Variants in ING5 observed in about 807,000 individuals in gnomAD.
ING5 encodes the protein inhibitor of growth protein 5.
A neutral mutation model predicts 37.4 loss-of-function variants in ING5; 17 were observed. The ratio of observed to expected loss-of-function variants is 0.45; its 90% CI spans 0.31 to 0.68. The LOEUF (loss-of-function observed/expected upper bound fraction) is 0.68. Ranked by LOEUF, ING5 falls within the 30% of genes least tolerant of loss-of-function variation. ING5 has a pLI of 0.05. For missense variants in ING5, 233 were observed against 311.9 expected (o/e 0.75, Z 1.91); for synonymous variants, 123 against 116.6 (o/e 1.06, Z -0.36).
In ING5 at chr2:241,725,795, T is replaced by A. The variant is rs1401983431; in HGVS notation, c.*764T>A. On this transcript the variant is annotated 3_prime_UTR_variant, in exon 8 of 8. Transcript: ENST00000313552. ...AATTGGTGATTTTTTACTGTGAAGA[T>A]GAAATTACCCTAATAGCATGAAGAT... The A allele has an allele frequency of 1.3e-5, 2 of 152,550 alleles. No individual in the cohort carries two copies. Among genetic ancestry groups the A allele is most frequent in the African/African-American group, 4.8e-5 (2 of 41,400 alleles). The allele number at this position is 152,550 out of a possible 1,614,324, so 9.4% of individuals were successfully genotyped here.
intron 5 of ING5, among the ~76,000 whole-genome samples, chr2:241,714,345 C>T: frequency 6.6e-6 from 1 of 152,054 alleles, no homozygotes; most frequent in Admixed American, 6.6e-5. Context: ...AAATGTTATT[C>T]TAAGTGTACA....
upstream of ING5, among the ~76,000 whole-genome samples, chr2:241,700,873 G>A (rs1288777182): frequency 6.6e-6 from 1 of 151,752 alleles, no homozygotes; most frequent in African/African-American, 2.4e-5. Context: ...TGATCCGCCC[G>A]CCTCGGCCTC....
rs376532315 is a variant in ING5 at position 241,712,157 on chromosome 2, C to T, written c.482+86C>T. On this transcript the variant is annotated intron_variant, in intron 5 of 7. Coordinates refer to ENST00000313552, the MANE Select transcript of ING5 (RefSeq NM_032329.6). ...GTAGGAACACTGATGGAAGCTGACC[C>T]GAGTGAAGTGCACCCCGTGTGCCGG... The T allele has an allele frequency of 2.1e-5, 23 of 1,078,908 alleles. 1 individual carries two copies. In the African/African-American group the frequency reaches 2.3e-4, roughly 11 times the overall value. The allele number at this position is 1,078,908 out of a possible 1,614,324, so 66.8% of individuals were successfully genotyped here.
At chr2:241,722,697 T>C in intron 5 of ING5, 2 of 985,434 alleles carry the variant, frequency 2.0e-6, no homozygotes, top group Non-Finnish European at 2.4e-6. Flanking sequence ...ATTCAGTTAG[T>C]GCATGACTGC....
chr2:241,724,910 CAT>C (rs1691547173), intron 7 of ING5, 77 bp from the exon 8 acceptor site: 1 of 1,472,312 alleles, frequency 6.8e-7, no homozygotes, highest in African/African-American at 1.4e-5. Context: ...CCCTGGGAGA[CAT>C]GGGGAGGCGG....
intron 2 of ING5, among the ~76,000 whole-genome samples, chr2:241,708,530 G>A (rs2069996634): frequency 6.6e-6 from 1 of 152,204 alleles, no homozygotes; most frequent in South Asian, 2.1e-4. Flanking sequence ...CCTCTAAACT[G>A]AAGGGTTAAG....
intron 7 of ING5, chr2:241,724,183 C>G: frequency 1.7e-6 from 1 of 584,612 alleles, no homozygotes; most frequent in Non-Finnish European, 2.3e-6. Flanking sequence ...TGGTAAGAGC[C>G]AGTTATCCTT....
chr2:241,721,989 G>A lies in ING5; in HGVS notation c.483-950G>A, dbSNP rs1047725046. 3 of 985,272 alleles carry A rather than the reference G, an allele frequency of 3.0e-6. No homozygotes were observed. The African/African-American group carries it at 5.2e-5, about 17-fold the overall frequency. The allele number at this position is 985,272 out of a possible 1,614,324, so 61.0% of individuals were successfully genotyped here. ...GAAGGAGTGACAAGGATGGTGTGTG[G>A]TCGGAAGGGGCCCTGTGCCAGGTGG... On this transcript the variant is annotated intron_variant, in intron 5 of 7. Transcript: ENST00000313552.
At chr2:241,687,396 A>T (rs1233146846) in exon 1 of ING5, 2 of 398,908 alleles carry the variant, frequency 5.0e-6, no homozygotes, top group Non-Finnish European at 8.8e-6. Flanking sequence ...GTTTGACAGC[A>T]GGGGCAGGAT....
At chr2:241,705,122 C>T (rs564162475) in intron 2 of ING5, among the ~76,000 whole-genome samples, 6 of 152,142 alleles carry the variant, frequency 3.9e-5, no homozygotes, top group South Asian at 2.1e-4. Flanking sequence ...TCGCCCAGTC[C>T]GGAGTGCAGT....
rs974381224 is a variant in ING5 at position 241,727,695 on chromosome 2, G to T, written c.*2664G>T. 6 of 152,238 alleles carry T rather than the reference G, an allele frequency of 3.9e-5. No individual in the cohort carries two copies. The highest frequency in any genetic ancestry group is 1.2e-4 in the African/African-American group (5 of 41,448). 9.4% of individuals were successfully genotyped at this position (152,238 alleles called of 1,614,324 possible). ...TTTACCATTTTTGGGAAGAGGGATA[G>T]GTAAGTGCAGGGAGTTTGTGCTGAA... On this transcript the variant is annotated 3_prime_UTR_variant, in exon 8 of 8. Transcript: ENST00000313552.
rs1691559598 is a variant in ING5 at position 241,725,078 on chromosome 2, C to T, written c.*47C>T. The T allele has an allele frequency of 1.3e-6, 2 of 1,587,660 alleles. No homozygotes were observed. The highest frequency in any genetic ancestry group is 1.7e-6 in the Non-Finnish European group (2 of 1,155,854). On this transcript the variant is annotated 3_prime_UTR_variant, in exon 8 of 8. Coordinates refer to ENST00000313552, the MANE Select transcript of ING5 (RefSeq NM_032329.6). Reference sequence around the variant, plus strand: ...CGAGGAGCAAGTTAATCTGTCCCTTCATTCGTGTCGCAATATTTCCCTTCC... The same window carrying T: ...CGAGGAGCAAGTTAATCTGTCCCTTTATTCGTGTCGCAATATTTCCCTTCC...
intron 1 of ING5, among the ~76,000 whole-genome samples, chr2:241,703,120 G>A (rs1469143592): frequency 2.0e-5 from 3 of 152,206 alleles, no homozygotes; most frequent in Non-Finnish European, 4.4e-5. Flanking sequence ...AAGCTGGGGA[G>A]CACGCTGGAG....
chr2:241,728,467 A>T lies in ING5; in HGVS notation c.*3436A>T, dbSNP rs1225342225. 1 of 152,734 alleles carries T rather than the reference A, an allele frequency of 6.5e-6. No individual in the cohort carries two copies. The highest frequency in any genetic ancestry group is 6.5e-5 in the Admixed American group (1 of 15,282). 9.5% of individuals were successfully genotyped at this position (152,734 alleles called of 1,614,324 possible). ...TGGCTGTGCGATTGACCTCGATGGG[A>T]AGGAGCGTTCTACCCATTTTCCTTG... is the stretch of plus-strand genomic sequence containing the variant. On this transcript the variant is annotated 3_prime_UTR_variant, in exon 8 of 8. Coordinates refer to ENST00000313552, the MANE Select transcript of ING5 (RefSeq NM_032329.6).
intron 2 of ING5, among the ~76,000 whole-genome samples, chr2:241,692,471 T>G (rs1029479424): frequency 6.6e-5 from 10 of 151,760 alleles, no homozygotes; most frequent in African/African-American, 2.4e-4. Context: ...TCTGGCTTTT[T>G]TTTTTTTTTA....
chr2:241,724,246 G>A (rs1240430036), intron 7 of ING5, among the ~76,000 whole-genome samples: 4 of 152,206 alleles, frequency 2.6e-5, no homozygotes, highest in Non-Finnish European at 4.4e-5. Context: ...GAGGCTGGCC[G>A]AGCTCACGGT....
At chr2:241,693,652 CTTTTTTTTTTTT>C (rs1185556171) in intron 2 of ING5, among the ~76,000 whole-genome samples, 1 of 78,538 alleles carries the variant, frequency 1.3e-5, no homozygotes, top group African/African-American at 4.9e-5. Context: ...AAATACAACT[CTTTTTTTTTTTT>C]TTTTTTTTTT....
chr2:241,717,949 C>T (rs1186092566), intron 5 of ING5, among the ~76,000 whole-genome samples: 2 of 152,198 alleles, frequency 1.3e-5, no homozygotes, highest in Non-Finnish European at 2.9e-5. Flanking sequence ...TCTCACAGCT[C>T]ACCGAGGCTC....
At chr2:241,699,239 G>A (rs1377784246), upstream of ING5, among the ~76,000 whole-genome samples, 3 of 151,074 alleles carry the variant, frequency 2.0e-5, no homozygotes, top group Non-Finnish European at 4.4e-5. Context: ...TGGTCAGGCT[G>A]GTCTCAAACT....
Sources: allele counts gnomAD v4.1 joint callset (sites outside exome capture counted in the v4.1 genomes callset), GRCh38; gene constraint gnomAD v4.1.1; transcripts MANE v1.5; gene names NCBI Gene and HGNC (gene_info 2026-07-23, HGNC 2026-07-21).